The following CNTNAP5 variants were observed in gnomAD, a reference collection of about 807,000 sequenced individuals.
The protein encoded by CNTNAP5 is contactin associated protein family member 5.
In CNTNAP5, 72 loss-of-function variants were observed where a neutral mutation model predicts 150.2. That is an observed-to-expected ratio of 0.48 (90% CI 0.40 to 0.58). CNTNAP5 has a LOEUF of 0.58. Ranked by LOEUF, CNTNAP5 falls within the 20% of genes least tolerant of loss-of-function variation. The pLI, the probability that CNTNAP5 is intolerant of heterozygous loss-of-function variation, is 0.00. For synonymous variants in CNTNAP5, 672 were observed against 619.8 expected (o/e 1.08, Z -1.25); for missense variants, 1,636 against 1,626.2 (o/e 1.01, Z -0.10).
chr2:124,843,202 T>C (rs1253920463), intron 19 of CNTNAP5, among the ~76,000 whole-genome samples: 1 of 152,118 alleles, frequency 6.6e-6, no homozygotes, highest in Non-Finnish European at 1.5e-5. Flanking sequence ...TAGTTTCCAA[T>C]TCCATCCAGG....
intron 11 of CNTNAP5, among the ~76,000 whole-genome samples, chr2:124,567,874 TAG>T (rs1491029031): frequency 1.3e-5 from 2 of 149,346 alleles, no homozygotes; most frequent in Non-Finnish European, 3.0e-5. Flanking sequence ...GATAGATAGA[TAG>T]ATAGATATAG....
intron 19 of CNTNAP5, among the ~76,000 whole-genome samples, chr2:124,857,236 G>A (rs181065759): frequency 3.6e-4 from 55 of 152,066 alleles, no homozygotes; most frequent in Admixed American, 2.2e-3. Context: ...TTCACTGTCC[G>A]CATCATTTGA....
At chr2:124,781,634 C>G (rs1681454674) in intron 17 of CNTNAP5, among the ~76,000 whole-genome samples, 1 of 152,060 alleles carries the variant, frequency 6.6e-6, no homozygotes, top group Non-Finnish European at 1.5e-5. Flanking sequence ...CCAGATCTTG[C>G]TGTCTATTTG....
chr2:124,637,319 T>C (rs1332735509), intron 12 of CNTNAP5, among the ~76,000 whole-genome samples: 1 of 152,188 alleles, frequency 6.6e-6, no homozygotes, highest in Non-Finnish European at 1.5e-5. Flanking sequence ...CATTGATCTT[T>C]TCTGGAGATT....
rs142537727 is a variant in CNTNAP5 at position 124,920,785 on chromosome 2, G to A, written c.*6497G>A. Among the ~76,000 whole-genome samples the A allele has an allele frequency of 7.2e-5, 11 of 152,232 alleles. No individual in the cohort carries two copies. The East Asian group carries it at 2.1e-3, about 29-fold the overall frequency. ...CCTAAGATAGAGCATTACAGTGTCT[G>A]TTTCAGATGGGAAGTAAGTCTTCCT... On this transcript the variant is annotated 3_prime_UTR_variant, in exon 24 of 24. Transcript: ENST00000682447.
At position 124,638,789 on chromosome 2, in the gene CNTNAP5, A is replaced by G. The variant is rs1460985467; in HGVS notation, c.1877-8969A>G. 7.9e-5 allele frequency among the ~76,000 whole-genome samples: 12 copies of G among 152,252 alleles called. No homozygotes were observed. The East Asian group carries it at 2.3e-3, about 29-fold the overall frequency. ...GTATCATACTCTTTTGTGCATCAAT[A>G]CCTTGATTTTGTCACTTTACAATAT... On this transcript the variant is annotated intron_variant, in intron 12 of 23. Transcript: ENST00000682447.
Position 124,890,234 on chromosome 2 carries a change from T to G in CNTNAP5, c.3437-12648T>G, listed in dbSNP as rs185710759. Among the ~76,000 whole-genome samples, 385 of 152,200 alleles carry G rather than the reference T, an allele frequency of 2.5e-3. 4 individuals are homozygous for G. Among genetic ancestry groups the G allele is most frequent in the African/African-American group, 8.9e-3 (369 of 41,552 alleles). On this transcript the variant is annotated intron_variant, in intron 21 of 23. Transcript: ENST00000682447. The stretch of plus-strand genomic sequence containing the variant: ...CACACTTGAAATTTTGCTAAAATCT[T>G]TCTCTGGTCATAGAAGCTTGTTTTC...
At chr2:124,733,838 G>A (rs1000130669) in intron 13 of CNTNAP5, among the ~76,000 whole-genome samples, 1 of 152,118 alleles carries the variant, frequency 6.6e-6, no homozygotes, top group African/African-American at 2.4e-5. Context: ...CTGCAGATTT[G>A]GAAAGAAATC....
At chr2:124,792,254 C>T (rs1398659219) in intron 18 of CNTNAP5, among the ~76,000 whole-genome samples, 1 of 152,078 alleles carries the variant, frequency 6.6e-6, no homozygotes, top group Non-Finnish European at 1.5e-5. Flanking sequence ...AAGAAGCAAT[C>T]ATCATAAAAA....
At chr2:124,726,297 T>C (rs1680156164) in intron 13 of CNTNAP5, among the ~76,000 whole-genome samples, 1 of 152,124 alleles carries the variant, frequency 6.6e-6, no homozygotes, top group Admixed American at 6.6e-5. Context: ...AAGGACCTGG[T>C]AAGAGGTGAT....
At chr2:124,409,988 C>T (rs1258219131) in intron 3 of CNTNAP5, among the ~76,000 whole-genome samples, 11 of 150,340 alleles carry the variant, frequency 7.3e-5, no homozygotes, top group Non-Finnish European at 1.5e-4. Flanking sequence ...GGGAACCCAT[C>T]TCACGTGCAG....
At chr2:124,548,014 C>T (rs1695551938) in intron 10 of CNTNAP5, among the ~76,000 whole-genome samples, 1 of 152,162 alleles carries the variant, frequency 6.6e-6, no homozygotes, top group Non-Finnish European at 1.5e-5. Context: ...GTGTTTTCAC[C>T]ATTTCCATCT....
At position 124,916,936 on chromosome 2, in the gene CNTNAP5, C is replaced by T. The variant is rs1026707269; in HGVS notation, c.*2648C>T. 2.0e-5 allele frequency among the ~76,000 whole-genome samples: 3 copies of T among 152,098 alleles called. No individual in the cohort carries two copies. The highest frequency in any genetic ancestry group is 2.1e-4 in the South Asian group (1 of 4,820). ...AGATATATATGAAATGCAAGTGATC[C>T]GTACCCTCCAAAGTAGAATGTAATT... On this transcript the variant is annotated 3_prime_UTR_variant, in exon 24 of 24. Coordinates refer to ENST00000682447, the MANE Select transcript of CNTNAP5 (RefSeq NM_001367498.1).
At chr2:124,868,156 GT>G (rs1677671045) in intron 20 of CNTNAP5, among the ~76,000 whole-genome samples, 1 of 152,128 alleles carries the variant, frequency 6.6e-6, no homozygotes, top group Non-Finnish European at 1.5e-5. Flanking sequence ...TTCCCTGGCT[GT>G]CTATCCTCAA....
intron 3 of CNTNAP5, among the ~76,000 whole-genome samples, chr2:124,394,371 CAAAA>C (rs70996062): frequency 9.4e-6 from 1 of 106,304 alleles, no homozygotes. Flanking sequence ...GACTCTGTCT[CAAAA>C]AAAAAAAAAA....
intron 3 of CNTNAP5, among the ~76,000 whole-genome samples, chr2:124,412,922 C>G (rs1287817475): frequency 9.5e-6 from 1 of 104,922 alleles, no homozygotes; most frequent in East Asian, 2.5e-4. Context: ...GCAAAAGAAA[C>G]TACTATCAGA....
At chr2:124,672,922 G>C (rs905160153) in intron 13 of CNTNAP5, among the ~76,000 whole-genome samples, 1 of 151,846 alleles carries the variant, frequency 6.6e-6, no homozygotes, top group Non-Finnish European at 1.5e-5. Context: ...ACTAAAAAGA[G>C]AATTACAGAA....
At chr2:124,124,842 C>T (rs1416320600) in intron 1 of CNTNAP5, among the ~76,000 whole-genome samples, 1 of 152,076 alleles carries the variant, frequency 6.6e-6, no homozygotes, top group East Asian at 1.9e-4. Flanking sequence ...GAAATAAAAT[C>T]CTTTACAGAC....
chr2:124,320,247 T>C (rs1558849238), intron 3 of CNTNAP5, among the ~76,000 whole-genome samples: 2 of 152,334 alleles, frequency 1.3e-5, no homozygotes, highest in East Asian at 3.9e-4. Context: ...CAGATGTTGA[T>C]AGATTGCTTT....
Sources: allele counts gnomAD v4.1 joint callset (sites outside exome capture counted in the v4.1 genomes callset), GRCh38; gene constraint gnomAD v4.1.1; transcripts MANE v1.5; gene names NCBI Gene and HGNC (gene_info 2026-07-23, HGNC 2026-07-21).